KHDRBS1: variants seen among roughly 807,000 people sequenced by gnomAD.
KHDRBS1 encodes the protein KH RNA binding domain containing, signal transduction associated 1.
In KHDRBS1, 7 loss-of-function variants were observed where a neutral mutation model predicts 48.4. The observed-to-expected ratio is 0.14, with a 90% CI of 0.08 to 0.27. KHDRBS1 has a LOEUF of 0.27. KHDRBS1 is among the 10% of genes least tolerant of loss of function. The pLI, the probability that KHDRBS1 is intolerant of heterozygous loss-of-function variation, is 1.00. For missense variants in KHDRBS1, 458 were observed against 601.2 expected (o/e 0.76, Z 2.49); for synonymous variants, 241 against 235.8 (o/e 1.02, Z -0.20).
At chr1:32,025,299 T>G (rs1208456998) in intron 1 of KHDRBS1, among the ~76,000 whole-genome samples, 5 of 134,458 alleles carry the variant, frequency 3.7e-5, no homozygotes, top group South Asian at 2.6e-4. Context: ...CTCCTTTTTT[T>G]TTTTTTTTTT....
At chr1:32,050,594 C>T (rs568059355) in intron 10 of KHDRBS1, among the ~76,000 whole-genome samples, 9 of 152,010 alleles carry the variant, frequency 5.9e-5, no homozygotes, top group Non-Finnish European at 1.2e-4. Flanking sequence ...TTCACTGCAA[C>T]CTCCAGCTCC....
chr1:32,045,747 A>G (rs1639349097), downstream of KHDRBS1, among the ~76,000 whole-genome samples: 1 of 152,206 alleles, frequency 6.6e-6, no homozygotes. Flanking sequence ...TGCGAAGGAT[A>G]AAAAATCTGG....
At chr1:32,035,442 T>C (rs16834840) in intron 4 of KHDRBS1, among the ~76,000 whole-genome samples, 4,293 of 152,270 alleles carry the variant, frequency 0.028, 191 homozygotes, top group African/African-American at 0.096. Context: ...TATATAAAAA[T>C]GCATGAAGTA....
chr1:32,054,595 C>A (rs897589778), intron 10 of KHDRBS1: 13 of 152,210 alleles, frequency 8.5e-5, no homozygotes, highest in African/African-American at 3.1e-4. Context: ...AGGCTTTGCT[C>A]ACCACTAGAA....
At chr1:32,051,427 C>G (rs1239760215) in intron 10 of KHDRBS1, among the ~76,000 whole-genome samples, 1 of 152,186 alleles carries the variant, frequency 6.6e-6, no homozygotes, top group Non-Finnish European at 1.5e-5. Context: ...TTTTACATCA[C>G]TGAGAGTTTG....
intron 1 of KHDRBS1, among the ~76,000 whole-genome samples, chr1:32,018,719 T>C (rs1192324179): frequency 6.7e-6 from 1 of 149,582 alleles, no homozygotes; most frequent in Admixed American, 6.7e-5. Context: ...ATCGCGCCAC[T>C]GCACTCCAGC....
intron 1 of KHDRBS1, among the ~76,000 whole-genome samples, chr1:32,028,571 C>T (rs113935187): frequency 0.037 from 5,372 of 144,404 alleles, 320 homozygotes; most frequent in African/African-American, 0.13. Flanking sequence ...GGCGCGATCT[C>T]GGCTCACTGC....
intron 2 of KHDRBS1, 83 bp from the exon 3 acceptor site, chr1:32,031,441 G>A (rs1236620407): frequency 2.5e-5 from 21 of 830,560 alleles, no homozygotes; most frequent in Non-Finnish European, 4.1e-5. Flanking sequence ...TTGCAGGGTT[G>A]TTTAAAATCA....
intron 8 of KHDRBS1, among the ~76,000 whole-genome samples, chr1:32,041,803 T>C (rs1639287544): frequency 6.6e-6 from 1 of 152,294 alleles, no homozygotes; most frequent in South Asian, 2.1e-4. Flanking sequence ...TTGGTCAGGC[T>C]GGTCTCGAAC....
chr1:32,038,868 G>A (rs1437805395), intron 7 of KHDRBS1, among the ~76,000 whole-genome samples: 1 of 152,152 alleles, frequency 6.6e-6, no homozygotes, highest in Non-Finnish European at 1.5e-5. Flanking sequence ...CTCTGCGTTT[G>A]ACATCTGTGA....
At chr1:32,035,588 A>C (rs913702077) in intron 4 of KHDRBS1, among the ~76,000 whole-genome samples, 2 of 152,206 alleles carry the variant, frequency 1.3e-5, no homozygotes, top group Non-Finnish European at 2.9e-5. Context: ...CACTTAGAAC[A>C]ATTAACTATA....
intron 4 of KHDRBS1, among the ~76,000 whole-genome samples, chr1:32,036,313 A>G (rs1329751288): frequency 6.6e-6 from 1 of 151,744 alleles, no homozygotes; most frequent in Non-Finnish European, 1.5e-5. Flanking sequence ...CTGGGACTAC[A>G]GGTGCCTGCC....
At chr1:32,050,462 CTGTT>C (rs1269432520) in intron 10 of KHDRBS1, among the ~76,000 whole-genome samples, 4 of 151,892 alleles carry the variant, frequency 2.6e-5, no homozygotes, top group Non-Finnish European at 5.9e-5. Context: ...AGGATTGTAC[CTGTT>C]TGTTTCTTTC....
chr1:32,031,473 A>C (rs778548188), intron 2 of KHDRBS1, 51 bp from the exon 3 acceptor site: 1 of 1,135,810 alleles, frequency 8.8e-7, no homozygotes, highest in Non-Finnish European at 1.3e-6. Context: ...TTATGTGGAA[A>C]TGTTTTTATA....
intron 1 of KHDRBS1, among the ~76,000 whole-genome samples, chr1:32,028,990 A>G (rs1321696577): frequency 2.0e-5 from 3 of 152,064 alleles, no homozygotes; most frequent in African/African-American, 4.8e-5. Flanking sequence ...GACTCGCTCT[A>G]TTGTATCTCC....
At chr1:32,024,806 A>G (rs1330773288) in intron 1 of KHDRBS1, among the ~76,000 whole-genome samples, 1 of 152,154 alleles carries the variant, frequency 6.6e-6, no homozygotes, top group Non-Finnish European at 1.5e-5. Flanking sequence ...CATCAAATAA[A>G]TATTCAGCCC....
At chr1:32,035,233 A>C (rs1639153608) in intron 4 of KHDRBS1, among the ~76,000 whole-genome samples, 1 of 152,018 alleles carries the variant, frequency 6.6e-6, no homozygotes, top group African/African-American at 2.4e-5. Flanking sequence ...CTTTTGAAAA[A>C]GATGCTTGCC....
chr1:32,027,612 G>A (rs1002881095), intron 1 of KHDRBS1, among the ~76,000 whole-genome samples: 2 of 152,118 alleles, frequency 1.3e-5, no homozygotes, highest in African/African-American at 4.8e-5. Context: ...TTTAATTAAG[G>A]ATATTTACAA....
Position 32,031,756 on chromosome 1 carries a change from C to G in KHDRBS1, c.624+116C>G. ...TTTGTATGTGTACAGAATGTGGCTC[C>G]TTTAAGTTTGCACTGGATGCAAGAG... is the stretch of plus-strand genomic sequence containing the variant. On this transcript the variant is annotated intron_variant, in intron 3 of 8. Transcript: ENST00000327300. The G allele has an allele frequency of 8.4e-6, 5 of 598,492 alleles. No homozygotes were observed. In the South Asian group the frequency reaches 1.0e-4, roughly 12 times the overall value. The allele number at this position is 598,492 out of a possible 1,614,324, so 37.1% of individuals were successfully genotyped here. A position where few individuals can be genotyped will look rare whatever the true frequency, so the allele number is the denominator to read the frequency against.
Sources: gnomAD v4.1 joint callset for allele counts (sites outside exome capture counted in the v4.1 genomes callset) on GRCh38, gnomAD v4.1.1 for gene constraint, MANE v1.5 for transcripts, NCBI Gene and HGNC (gene_info 2026-07-23, HGNC 2026-07-21) for gene names.